The following CUX1 variants were observed in gnomAD, a reference collection of about 807,000 sequenced individuals.
CUX1 encodes cut like homeobox 1.
In CUX1, 31 loss-of-function variants were observed where a neutral mutation model predicts 158.8. The ratio of observed to expected loss-of-function variants is 0.20; its 90% CI spans 0.15 to 0.26. The LOEUF (loss-of-function observed/expected upper bound fraction) is 0.26, where lower values mean the gene tolerates loss of function less well. Among genes scored for constraint, CUX1 ranks in the 10% least tolerant of loss-of-function variants. The probability of loss-of-function intolerance (pLI) is 1.00; values close to 1 mark genes in which losing one functional copy is unlikely to be tolerated. For synonymous variants in CUX1, 879 were observed against 862.1 expected (o/e 1.02, Z -0.34); for missense variants, 1,589 against 2,014.6 (o/e 0.79, Z 4.04).
intron 2 of CUX1, chr7:101,959,322 C>A (rs1200214736): frequency 6.6e-6 from 1 of 151,954 alleles, no homozygotes; most frequent in Non-Finnish European, 1.5e-5. Flanking sequence ...CATCCTCATT[C>A]CCAAGTTGCC....
intron 2 of CUX1, among the ~76,000 whole-genome samples, chr7:101,924,878 G>A (rs1360539792): frequency 6.6e-6 from 1 of 151,876 alleles, no homozygotes; most frequent in African/African-American, 2.4e-5. Context: ...CCTGGCCTTT[G>A]ATGCTTTCTA....
chr7:102,248,845 C>T lies in CUX1; in HGVS notation c.4321C>T (p.Pro1441Ser), dbSNP rs782602529. The T allele has an allele frequency of 1.6e-6, 2 of 1,254,832 alleles. No homozygotes were observed. The highest frequency in any genetic ancestry group is 4.2e-5 in the South Asian group (2 of 47,810). The allele number at this position is 1,254,832 out of a possible 1,614,324, so 77.7% of individuals were successfully genotyped here. Reference sequence around the variant, plus strand: ...CGCGGCCCCGAGCTCCGCGCCGCCGCCCAGCAACAGCAGCAGCAGCAGCGC... The same window carrying T: ...CGCGGCCCCGAGCTCCGCGCCGCCGTCCAGCAACAGCAGCAGCAGCAGCGC... The part of the protein sequence containing the change: ...GPAAPSSAPP[P>S]SNSSSSSAPR... Residue 1441 changes from proline (P) to serine (S), a missense_variant, in exon 24 of 24, where the codon CCC (proline) becomes TCC (serine). Pro to Ser is a moderately conservative substitution (Grantham distance 74, BLOSUM62 -1). Transcript: ENST00000292535. The surrounding 1 kb of genome is among the most constrained non-coding windows in gnomAD (Gnocchi z 5.8).
At chr7:101,817,127 G>A, upstream of CUX1, 1 of 984,526 alleles carries the variant, frequency 1.0e-6, no homozygotes, top group Middle Eastern at 5.2e-4. The surrounding 1 kb of genome is among the most constrained non-coding windows in gnomAD (Gnocchi z 4.1). Context: ...CGGACCGCCG[G>A]GTGCGGGCGC....
At chr7:102,002,576 TG>T (rs1403211969) in intron 2 of CUX1, among the ~76,000 whole-genome samples, 1 of 152,230 alleles carries the variant, frequency 6.6e-6, no homozygotes, top group African/African-American at 2.4e-5. Context: ...CTCCCTGCCC[TG>T]GCATTGGTAC....
At chr7:101,936,899 A>G (rs1466830022) in intron 2 of CUX1, among the ~76,000 whole-genome samples, 1 of 152,158 alleles carries the variant, frequency 6.6e-6, no homozygotes, top group Non-Finnish European at 1.5e-5. Flanking sequence ...TAACATGGCT[A>G]ATCATAAAAA....
At chr7:102,261,484 ACT>A (rs1790395162), downstream of CUX1, among the ~76,000 whole-genome samples, 2 of 151,946 alleles carry the variant, frequency 1.3e-5, no homozygotes, top group African/African-American at 4.8e-5. Flanking sequence ...ACAGAGTGAG[ACT>A]CTGGCTCAAA....
At chr7:101,998,229 C>T (rs751579646) in intron 2 of CUX1, among the ~76,000 whole-genome samples, 25 of 151,884 alleles carry the variant, frequency 1.6e-4, no homozygotes, top group Admixed American at 1.3e-3. Context: ...GGGCTGTGCC[C>T]GGCTGCAGGA....
rs192331487 is a variant in CUX1 at position 101,883,093 on chromosome 7, G to A, written c.31-33022G>A. ...TTTCAAACGCTAACACTCTTGGCTC[G>A]GGCTCAGGTTTCAAGTCAGCCTCCA... On this transcript the variant is annotated intron_variant, in intron 1 of 23. Transcript: ENST00000292535. Among the ~76,000 whole-genome samples the A allele has an allele frequency of 1.9e-4, 29 of 152,190 alleles. No individual in the cohort carries two copies. The East Asian group carries it at 4.4e-3, about 23-fold the overall frequency.
At chr7:102,133,891 A>G (rs1194616463) in intron 8 of CUX1, among the ~76,000 whole-genome samples, 1 of 152,202 alleles carries the variant, frequency 6.6e-6, no homozygotes, top group Non-Finnish European at 1.5e-5. Flanking sequence ...GCGAGTGGAA[A>G]TCACAGAGGC....
intron 2 of CUX1, among the ~76,000 whole-genome samples, chr7:102,017,454 G>C (rs946685335): frequency 7.4e-6 from 1 of 134,758 alleles, no homozygotes; most frequent in African/African-American, 2.8e-5. Context: ...CCTAGAAATT[G>C]AGACCTCACC....
intron 8 of CUX1, among the ~76,000 whole-genome samples, chr7:102,151,862 C>G (rs1554503698): frequency 6.6e-6 from 1 of 150,900 alleles, no homozygotes; most frequent in East Asian, 1.9e-4. Context: ...CGCACTTACT[C>G]AGCTAGTTGT....
chr7:102,207,406 G>A (rs1436164938), intron 20 of CUX1, among the ~76,000 whole-genome samples: 1 of 152,076 alleles, frequency 6.6e-6, no homozygotes, highest in Non-Finnish European at 1.5e-5. Context: ...AAAAATCGTG[G>A]TGACTAGGGA....
intron 1 of CUX1, among the ~76,000 whole-genome samples, chr7:101,858,908 C>T (rs1347371833): frequency 1.3e-5 from 2 of 152,076 alleles, no homozygotes; most frequent in Non-Finnish European, 2.9e-5. Flanking sequence ...TCAGGTGATC[C>T]GCTTCCCTCG....
chr7:101,915,564 C>T (rs1460805135), intron 1 of CUX1, among the ~76,000 whole-genome samples: 2 of 152,186 alleles, frequency 1.3e-5, no homozygotes, highest in African/African-American at 4.8e-5. Flanking sequence ...GATGCTTGGC[C>T]TAGAGTGAGC....
At chr7:101,929,136 A>G (rs1806000796) in intron 2 of CUX1, among the ~76,000 whole-genome samples, 1 of 151,834 alleles carries the variant, frequency 6.6e-6, no homozygotes, top group Non-Finnish European at 1.5e-5. Context: ...AGATCGTGCC[A>G]CTGCACTCCA....
chr7:102,083,468 G>A (rs1457455938), intron 4 of CUX1, among the ~76,000 whole-genome samples: 6 of 146,210 alleles, frequency 4.1e-5, no homozygotes, highest in Non-Finnish European at 6.2e-5. Flanking sequence ...CACCACACCC[G>A]ATTAATTTTT....
Position 102,049,687 on chromosome 7 carries a change from A to G in CUX1, c.190-20652A>G, listed in dbSNP as rs1823251895. ...AGATCCCATCTCTACCAAAAAAAAC[A>G]AAAACAAAAAAAGAAAAACGGAAAC... On this transcript the variant is annotated intron_variant, in intron 3 of 23. Transcript: ENST00000292535. Among the ~76,000 whole-genome samples, 3 of 152,118 alleles carry G rather than the reference A, an allele frequency of 2.0e-5. No homozygotes were observed. The South Asian group carries it at 6.2e-4, about 32-fold the overall frequency.
chr7:102,072,721 C>T (rs1826266592), intron 4 of CUX1, among the ~76,000 whole-genome samples: 1 of 152,142 alleles, frequency 6.6e-6, no homozygotes, highest in South Asian at 2.1e-4. Flanking sequence ...GGTTCCCTGC[C>T]TGCAGACCCT....
intron 9 of CUX1, among the ~76,000 whole-genome samples, chr7:102,160,667 G>C (rs1260038561): frequency 6.6e-6 from 1 of 152,164 alleles, no homozygotes; most frequent in Non-Finnish European, 1.5e-5. Context: ...CATTATGCCA[G>C]GGGAAATACG....
Sources: gnomAD v4.1 joint callset for allele counts (sites outside exome capture counted in the v4.1 genomes callset) on GRCh38, gnomAD v4.1.1 for gene constraint, Gnocchi (gnomAD v3.1) non-coding constraint, MANE v1.5 for transcripts, NCBI Gene and HGNC (gene_info 2026-07-23, HGNC 2026-07-21) for gene names.